The following GPHN variants were observed in gnomAD, a reference collection of about 807,000 sequenced individuals.
GPHN encodes the protein gephyrin.
A neutral mutation model predicts 95.5 loss-of-function variants in GPHN; 17 were observed. The observed-to-expected ratio is 0.18, with a 90% CI of 0.12 to 0.27. The LOEUF (loss-of-function observed/expected upper bound fraction) is 0.27, where lower values mean the gene tolerates loss of function less well. GPHN is among the 10% of genes least tolerant of loss of function. The probability of loss-of-function intolerance (pLI) is 1.00; values close to 1 mark genes in which losing one functional copy is unlikely to be tolerated. For missense variants in GPHN, 660 were observed against 978.1 expected, an observed-to-expected ratio of 0.67 and a Z score of 4.34; for synonymous variants, 320 against 322.5, an observed-to-expected ratio of 0.99 and a Z score of 0.08.
chr14:66,600,127 A>T (rs114767943), intron 1 of GPHN, among the ~76,000 whole-genome samples: 1 of 151,916 alleles, frequency 6.6e-6, no homozygotes, highest in African/African-American at 2.4e-5. Context: ...TTTTTGCATC[A>T]TTATTCTTCA....
At chr14:67,108,366 A>G (rs1376729118) in intron 13 of GPHN, among the ~76,000 whole-genome samples, 2 of 152,290 alleles carry the variant, frequency 1.3e-5, no homozygotes, top group South Asian at 2.1e-4. Flanking sequence ...CCTTTGGCTG[A>G]GTCTCACCAG....
chr14:67,087,569 T>A (rs540615274), intron 11 of GPHN, among the ~76,000 whole-genome samples: 1 of 152,096 alleles, frequency 6.6e-6, no homozygotes, highest in South Asian at 2.1e-4. Flanking sequence ...TCTGCTAAGT[T>A]CTCCCTTCCA....
intron 10 of GPHN, among the ~76,000 whole-genome samples, chr14:67,025,169 G>A (rs1293027239): frequency 1.3e-5 from 2 of 152,020 alleles, no homozygotes; most frequent in Non-Finnish European, 1.5e-5. Context: ...ATCCTTTTTA[G>A]GACTCCTTTG....
At chr14:66,988,798 A>G (rs2071200586) in intron 9 of GPHN, among the ~76,000 whole-genome samples, 1 of 152,154 alleles carries the variant, frequency 6.6e-6, no homozygotes, top group African/African-American at 2.4e-5. Context: ...GTTTTGGTAT[A>G]AATGTAGCAG....
At chr14:66,647,110 T>G (rs2153360394) in intron 1 of GPHN, among the ~76,000 whole-genome samples, 1 of 151,250 alleles carries the variant, frequency 6.6e-6, no homozygotes, top group Non-Finnish European at 1.5e-5. Context: ...CTCACTATGT[T>G]GCCCAGGCTG....
At chr14:67,112,417 A>G (rs2078430160) in intron 15 of GPHN, among the ~76,000 whole-genome samples, 2 of 152,222 alleles carry the variant, frequency 1.3e-5, no homozygotes, top group Non-Finnish European at 2.9e-5. Context: ...GAATATGTTT[A>G]CCCTGATTCC....
intron 5 of GPHN, among the ~76,000 whole-genome samples, chr14:66,894,249 C>A (rs2064700962): frequency 6.6e-6 from 1 of 152,176 alleles, no homozygotes; most frequent in East Asian, 1.9e-4. Flanking sequence ...CTGACAAAAA[C>A]AAGCAATGGG....
intron 11 of GPHN, among the ~76,000 whole-genome samples, chr14:67,064,040 G>A (rs1297300642): frequency 6.6e-6 from 1 of 152,066 alleles, no homozygotes; most frequent in African/African-American, 2.4e-5. Flanking sequence ...TCCAGTTTTT[G>A]CCCATTCAGT....
At chr14:67,239,298 GA>G in the GPHN span, among the ~76,000 whole-genome samples, 1 of 152,170 alleles carries the variant, frequency 6.6e-6, no homozygotes, top group Non-Finnish European at 1.5e-5. Flanking sequence ...ACCTGAAGAT[GA>G]TTTTGCTCAT....
At chr14:67,174,216 T>G (rs2082770301) in intron 21 of GPHN, among the ~76,000 whole-genome samples, 1 of 136,914 alleles carries the variant, frequency 7.3e-6, no homozygotes, top group African/African-American at 2.7e-5. Flanking sequence ...ATGCTATTCC[T>G]CCCCCAGCCC....
chr14:67,655,350 T>C, the GPHN span, among the ~76,000 whole-genome samples: 6 of 152,040 alleles, frequency 3.9e-5, no homozygotes, highest in Non-Finnish European at 8.8e-5. Flanking sequence ...AATTCCTATG[T>C]AGGTTAACTC....
the GPHN span, among the ~76,000 whole-genome samples, chr14:67,445,183 A>T: frequency 0.014 from 2,111 of 152,330 alleles, 52 homozygotes; most frequent in African/African-American, 0.048. Context: ...AGCAGTGATC[A>T]TAAGTAGAGC....
At chr14:67,117,975 C>G (rs2078787100) in intron 16 of GPHN, among the ~76,000 whole-genome samples, 1 of 151,994 alleles carries the variant, frequency 6.6e-6, no homozygotes, top group Admixed American at 6.5e-5. Context: ...TACCAAAATC[C>G]TAATACAAAG....
chr14:67,458,927 G>A, the GPHN span, among the ~76,000 whole-genome samples: 2 of 152,150 alleles, frequency 1.3e-5, no homozygotes, highest in African/African-American at 2.4e-5. Flanking sequence ...TGCTCTTGTC[G>A]CCCAGGGTGG....
chr14:67,309,850 T>C, the GPHN span, among the ~76,000 whole-genome samples: 3 of 152,096 alleles, frequency 2.0e-5, no homozygotes, highest in African/African-American at 7.2e-5. Flanking sequence ...AAAAACAACA[T>C]ACTGGGTAGG....
At chr14:67,562,662 G>C in the GPHN span, 1 of 1,612,556 alleles carries the variant, frequency 6.2e-7, no homozygotes, top group South Asian at 1.1e-5. Flanking sequence ...CACTTTGGCC[G>C]TGTGGTGAAC....
chr14:67,100,366 CAA>C (rs2077629188), intron 12 of GPHN, among the ~76,000 whole-genome samples: 1 of 151,740 alleles, frequency 6.6e-6, no homozygotes, highest in Admixed American at 6.6e-5. Flanking sequence ...GACTGGGAGA[CAA>C]ATAAGAAAAC....
chr14:67,033,401 T>C (rs1283051187), intron 10 of GPHN, among the ~76,000 whole-genome samples: 1 of 151,760 alleles, frequency 6.6e-6, no homozygotes, highest in Admixed American at 6.6e-5. Flanking sequence ...CCATCTCTAC[T>C]AAAAATAAAA....
At chr14:66,727,592 A>C (rs2071365599) in intron 2 of GPHN, among the ~76,000 whole-genome samples, 1 of 152,144 alleles carries the variant, frequency 6.6e-6, no homozygotes, top group Non-Finnish European at 1.5e-5. Flanking sequence ...AAAAGGTGAC[A>C]CTTGTTATGT....
Sources: allele counts gnomAD v4.1 joint callset (sites outside exome capture counted in the v4.1 genomes callset), GRCh38; gene constraint gnomAD v4.1.1; transcripts MANE v1.5; gene names NCBI Gene and HGNC (gene_info 2026-07-23, HGNC 2026-07-21).